The following PTPN14 variants were observed in gnomAD, a reference collection of about 807,000 sequenced individuals.
The protein encoded by PTPN14 is protein tyrosine phosphatase non-receptor type 14.
In PTPN14, 53 loss-of-function variants were observed where a neutral mutation model predicts 126.8. The ratio of observed to expected loss-of-function variants is 0.42; its 90% confidence interval spans 0.34 to 0.53. PTPN14 has a LOEUF of 0.53. Ranked by LOEUF, PTPN14 falls within the 20% of genes least tolerant of loss-of-function variation. The pLI is 0.08. For missense variants in PTPN14, 1,257 were observed against 1,552.9 expected (o/e 0.81, Z 3.20); for synonymous variants, 630 against 599.3 (o/e 1.05, Z -0.75).
intron 14 of PTPN14, among the ~76,000 whole-genome samples, chr1:214,376,881 T>A (rs74595617): frequency 6.6e-6 from 1 of 152,374 alleles, no homozygotes; most frequent in East Asian, 1.9e-4. Flanking sequence ...TAACATGGTA[T>A]TAATTGGGTT....
intron 2 of PTPN14, among the ~76,000 whole-genome samples, chr1:214,456,003 TTTTA>T (rs149054607): frequency 0.017 from 2,530 of 152,256 alleles, 34 homozygotes; most frequent in Non-Finnish European, 0.025. Flanking sequence ...TTGGGGTGGT[TTTTA>T]TTTGTTTGTT....
intron 1 of PTPN14, among the ~76,000 whole-genome samples, chr1:214,466,446 A>G (rs1660641140): frequency 6.6e-6 from 1 of 152,246 alleles, no homozygotes; most frequent in Non-Finnish European, 1.5e-5. Flanking sequence ...CAGATAATTT[A>G]ATTTACTATT....
At chr1:214,381,950 G>C (rs1658482126) in intron 13 of PTPN14, among the ~76,000 whole-genome samples, 1 of 152,112 alleles carries the variant, frequency 6.6e-6, no homozygotes, top group South Asian at 2.1e-4. Flanking sequence ...TGTCATCCAG[G>C]CTGGAGTGCA....
At chr1:214,521,696 C>A (rs1179149685) in intron 1 of PTPN14, among the ~76,000 whole-genome samples, 2 of 151,090 alleles carry the variant, frequency 1.3e-5, no homozygotes, top group Non-Finnish European at 2.9e-5. Flanking sequence ...GCTTGGGCAA[C>A]AAGAGCGAAG....
In PTPN14 at chr1:214,384,741, T is replaced by G. The variant is rs369899314; in HGVS notation, c.1114A>C (p.Asn372His). The change falls in exon 13 of 19, where the codon AAC becomes CAC. Residue 372 changes from asparagine (N) to histidine (H), a missense_variant. By Grantham distance (68) the Asn-to-His change is moderately conservative. Around this residue, in one of 3 missense-constraint regions of PTPN14, gnomAD observed 1,021 missense variants for 1,183.3 expected, o/e 0.86. Coordinates refer to ENST00000366956, the MANE Select transcript of PTPN14 (RefSeq NM_005401.5). This position sits in a 1 kb window ranked among gnomAD's most constrained non-coding sequence, Gnocchi z 5.3. ...TTTAAATAATTTAAGTCCAGGCTGT[T>G]GTGAGAGTTGCAATACAAGGCTTCT... Reference protein sequence around the residue: ...NEEALYCNSHNSLDLNYLNGT... With the variant: ...NEEALYCNSHHSLDLNYLNGT... 15 of 1,613,942 alleles carry G rather than the reference T, an allele frequency of 9.3e-6. No individual in the cohort carries two copies. In the Admixed American group the frequency reaches 1.3e-4, roughly 14 times the overall value.
chr1:214,478,697 C>A (rs1260090418), intron 1 of PTPN14, among the ~76,000 whole-genome samples: 1 of 152,056 alleles, frequency 6.6e-6, no homozygotes, highest in Non-Finnish European at 1.5e-5. Flanking sequence ...TTACTATGTG[C>A]CAGGAAGTGT....
intron 1 of PTPN14, among the ~76,000 whole-genome samples, chr1:214,486,581 A>G (rs1187846973): frequency 6.6e-6 from 1 of 152,186 alleles, no homozygotes; most frequent in East Asian, 1.9e-4. Context: ...GGTTGGGACA[A>G]TAGGAACAAA....
intron 13 of PTPN14, among the ~76,000 whole-genome samples, chr1:214,381,134 T>C (rs1408644607): frequency 6.6e-6 from 1 of 152,216 alleles, no homozygotes; most frequent in Non-Finnish European, 1.5e-5. Context: ...TTTGTGATAA[T>C]GCAAGGAGCT....
chr1:214,398,613 ATTTTTTTT>A (rs56339386), intron 7 of PTPN14, among the ~76,000 whole-genome samples: 23 of 108,902 alleles, frequency 2.1e-4, no homozygotes, highest in East Asian at 5.4e-4. Context: ...TGCCCTGCTA[ATTTTTTTT>A]TTTTTTTTTT....
intron 15 of PTPN14, among the ~76,000 whole-genome samples, chr1:214,375,360 T>C (rs949385886): frequency 1.3e-5 from 2 of 152,216 alleles, no homozygotes; most frequent in Non-Finnish European, 1.5e-5. Context: ...TCTAAGGCTA[T>C]TGATCACAGT....
chr1:214,401,513 G>A (rs76702362), intron 7 of PTPN14, among the ~76,000 whole-genome samples, 172 bp downstream of exon 7: 3,547 of 152,260 alleles, frequency 0.023, 54 homozygotes, highest in Middle Eastern at 0.044. Context: ...ACTTCAAAAC[G>A]TCTTGGTTAA....
intron 1 of PTPN14, among the ~76,000 whole-genome samples, chr1:214,513,712 T>A (rs1367068555): frequency 2.6e-5 from 4 of 152,182 alleles, no homozygotes; most frequent in African/African-American, 9.7e-5. Context: ...TACTGCTAGC[T>A]GTGTCAGTTG....
In PTPN14 at chr1:214,364,806, T is replaced by TGTGTGTGTGTGTGTGTGTG. The variant is rs1553258555; in HGVS notation, c.3272-132_3272-131insCACACACACACACACACAC. 5.7e-5 allele frequency: 49 copies of TGTGTGTGTGTGTGTGTGTG among 859,190 alleles called. No homozygotes were observed. Among genetic ancestry groups the TGTGTGTGTGTGTGTGTGTG allele is most frequent in the Middle Eastern group, 3.7e-4 (1 of 2,678 alleles). The allele number at this position is 859,190 out of a possible 1,614,324, so 53.2% of individuals were successfully genotyped here. A position where few individuals can be genotyped will look rare whatever the true frequency, so the allele number is the denominator to read the frequency against. ...GTGTGTGTGTGTGTGTGTGTGTGTG[T>TGTGTGTGTGTGTGTGTGTG]TTTAAGTGACAATAATTTATAGTTC... On this transcript the variant is annotated intron_variant, in intron 17 of 18. Coordinates refer to ENST00000366956, the MANE Select transcript of PTPN14 (RefSeq NM_005401.5). This position sits in a 1 kb window ranked among gnomAD's most constrained non-coding sequence, Gnocchi z 4.1.
chr1:214,462,457 T>A (rs139229368), intron 2 of PTPN14, among the ~76,000 whole-genome samples: 151 of 152,334 alleles, frequency 9.9e-4, no homozygotes, highest in African/African-American at 3.5e-3. Context: ...CTCTTTCACA[T>A]CCTTGGATCT....
intron 2 of PTPN14, among the ~76,000 whole-genome samples, chr1:214,461,631 A>G (rs563383917): frequency 1.0e-3 from 46 of 44,830 alleles, no homozygotes; most frequent in African/African-American, 5.7e-3. Context: ...TCCTGTCTCA[A>G]CTGGAAAAAA....
chr1:214,517,930 G>A (rs961305613), intron 1 of PTPN14, among the ~76,000 whole-genome samples: 9 of 152,144 alleles, frequency 5.9e-5, no homozygotes, highest in Admixed American at 3.9e-4. Context: ...GGGTGACAGA[G>A]AGAGACTCAA....
chr1:214,460,027 C>T (rs1462760576), intron 2 of PTPN14, among the ~76,000 whole-genome samples: 2 of 152,192 alleles, frequency 1.3e-5, no homozygotes, highest in Non-Finnish European at 1.5e-5. Flanking sequence ...CCTGCTCCCC[C>T]ACTACAAGTC....
intron 1 of PTPN14, among the ~76,000 whole-genome samples, chr1:214,510,480 C>T (rs1340378535): frequency 6.6e-6 from 1 of 152,192 alleles, no homozygotes; most frequent in Admixed American, 6.5e-5. Flanking sequence ...AATGACATTG[C>T]AATGAAATAC....
chr1:214,514,382 C>T (rs12564450), intron 1 of PTPN14, among the ~76,000 whole-genome samples: 5,075 of 152,272 alleles, frequency 0.033, 289 homozygotes, highest in East Asian at 0.26. Context: ...CTGGGCCACT[C>T]ACCCACCATC....
Sources: gnomAD v4.1 joint callset for allele counts (sites outside exome capture counted in the v4.1 genomes callset) on GRCh38, gnomAD v4.1.1 for gene constraint, gnomAD v4.1.1 regional missense constraint, Gnocchi (gnomAD v3.1) non-coding constraint, MANE v1.5 for transcripts, NCBI Gene and HGNC (gene_info 2026-07-23, HGNC 2026-07-21) for gene names.